Variants in RBFOX1 observed in about 807,000 individuals in gnomAD.
RBFOX1 encodes the protein RNA binding protein fox-1 homolog 1.
A neutral mutation model predicts 57.7 loss-of-function variants in RBFOX1; 8 were observed. The ratio of observed to expected loss-of-function variants is 0.14; its 90% CI spans 0.08 to 0.25. The LOEUF (loss-of-function observed/expected upper bound fraction) is 0.25, where lower values mean the gene tolerates loss of function less well. Among genes scored for constraint, RBFOX1 ranks in the 10% least tolerant of loss-of-function variants. The probability of loss-of-function intolerance (pLI) is 1.00; values close to 1 mark genes in which losing one functional copy is unlikely to be tolerated. For missense variants in RBFOX1, 611 were observed against 548.5 expected (o/e 1.11, Z -1.14); for synonymous variants, 326 against 222.4 (o/e 1.47, Z -4.15).
At chr16:5,914,579 T>TGA (rs369377570) in intron 4 of RBFOX1, among the ~76,000 whole-genome samples, 19 of 151,138 alleles carry the variant, frequency 1.3e-4, no homozygotes, top group Admixed American at 4.0e-4. Flanking sequence ...CAGCTGGTGA[T>TGA]GAGAGAGAGA....
In RBFOX1 at chr16:5,742,380, T is replaced by A. The variant is rs150369176; in HGVS notation, c.319-124923T>A. ...TTCCTTCCTCTCCTTCCTCTCCTTC[T>A]CCAAACCATCAGAAGGTGTTAGAAC... On this transcript the variant is annotated intron_variant, in intron 3 of 19. Transcript: ENST00000641259. 4.8e-4 allele frequency among the ~76,000 whole-genome samples: 71 copies of A among 148,104 alleles called. No homozygotes were observed. In the East Asian group the frequency reaches 0.011, roughly 22 times the overall value.
intron 3 of RBFOX1, among the ~76,000 whole-genome samples, chr16:5,628,269 A>G (rs542467643): frequency 2.0e-5 from 3 of 152,214 alleles, no homozygotes; most frequent in Non-Finnish European, 4.4e-5. Flanking sequence ...AGTCTCTTCT[A>G]CCATGCAAAT....
chr16:6,646,951 A>G (rs956031308), intron 2 of RBFOX1, among the ~76,000 whole-genome samples: 7 of 152,160 alleles, frequency 4.6e-5, no homozygotes, highest in African/African-American at 1.7e-4. Flanking sequence ...TGGGCCTTAC[A>G]GGTCGTCTGG....
intron 4 of RBFOX1, among the ~76,000 whole-genome samples, chr16:5,888,954 C>G (rs1265291912): frequency 1.3e-5 from 2 of 152,174 alleles, no homozygotes; most frequent in Non-Finnish European, 2.9e-5. Flanking sequence ...TCTTCATCCT[C>G]TGCTGTGGGC....
chr16:7,609,057 G>C (rs1568072675), intron 10 of RBFOX1, among the ~76,000 whole-genome samples: 1 of 152,204 alleles, frequency 6.6e-6, no homozygotes, highest in Admixed American at 6.5e-5. Flanking sequence ...AAAGCTGCAA[G>C]GAAATCAAAT....
At chr16:7,490,522 T>C (rs1325894072) in intron 4 of RBFOX1, among the ~76,000 whole-genome samples, 2 of 152,234 alleles carry the variant, frequency 1.3e-5, no homozygotes, top group Non-Finnish European at 1.5e-5. Flanking sequence ...GTGGATAATG[T>C]ACCTTTACTC....
At chr16:6,696,904 C>G (rs2061136003) in intron 3 of RBFOX1, among the ~76,000 whole-genome samples, 1 of 152,178 alleles carries the variant, frequency 6.6e-6, no homozygotes, top group Non-Finnish European at 1.5e-5. Context: ...ATGGAGATTG[C>G]TGTCTTGCAA....
At chr16:7,093,855 A>G (rs139303072) in intron 4 of RBFOX1, among the ~76,000 whole-genome samples, 7 of 151,906 alleles carry the variant, frequency 4.6e-5, no homozygotes, top group Non-Finnish European at 7.4e-5. Context: ...AGCCACATCC[A>G]TTTTTTCCCA....
intron 3 of RBFOX1, among the ~76,000 whole-genome samples, chr16:6,754,874 TC>T (rs2075540315): frequency 6.6e-6 from 1 of 151,504 alleles, no homozygotes; most frequent in South Asian, 2.1e-4. Context: ...CCCACAACAG[TC>T]CCCAGAGTGT....
intron 3 of RBFOX1, among the ~76,000 whole-genome samples, chr16:5,807,554 T>C (rs2055271787): frequency 6.6e-6 from 1 of 152,152 alleles, no homozygotes; most frequent in African/African-American, 2.4e-5. Flanking sequence ...TAGGGCTCAT[T>C]ATAGCCTCGT....
chr16:6,193,689 AT>A (rs1413032557), intron 1 of RBFOX1, among the ~76,000 whole-genome samples: 5 of 151,700 alleles, frequency 3.3e-5, no homozygotes, highest in Non-Finnish European at 7.4e-5. Context: ...TTCAGCCTTC[AT>A]TTTTCAGCCT....
chr16:7,075,714 G>A (rs1444498263), intron 4 of RBFOX1, among the ~76,000 whole-genome samples: 1 of 151,932 alleles, frequency 6.6e-6, no homozygotes, highest in Admixed American at 6.6e-5. Flanking sequence ...CCGAGTAGCT[G>A]GGACTACAGG....
intron 4 of RBFOX1, among the ~76,000 whole-genome samples, chr16:7,285,120 A>T (rs78119341): frequency 0.087 from 3,507 of 40,314 alleles, 121 homozygotes; most frequent in East Asian, 0.23. Flanking sequence ...ACCTGTTCTT[A>T]TCCTTTATAG....
intron 4 of RBFOX1, among the ~76,000 whole-genome samples, chr16:5,980,320 G>A (rs1337807635): frequency 1.3e-5 from 2 of 152,170 alleles, no homozygotes. Context: ...AGCAGGGGGC[G>A]GCAGAACGGT....
intron 2 of RBFOX1, among the ~76,000 whole-genome samples, chr16:6,507,662 A>G (rs1264802393): frequency 6.6e-6 from 1 of 152,138 alleles, no homozygotes; most frequent in East Asian, 1.9e-4. Flanking sequence ...AAATCCTGTT[A>G]TATGTCCAAC....
At chr16:6,004,316 C>T (rs974640542) in intron 4 of RBFOX1, among the ~76,000 whole-genome samples, 3 of 152,314 alleles carry the variant, frequency 2.0e-5, no homozygotes, top group Admixed American at 6.5e-5. Flanking sequence ...CTTAGCTTCT[C>T]TAAGCCTCAG....
intron 1 of RBFOX1, among the ~76,000 whole-genome samples, chr16:5,412,824 G>C (rs1026267257): frequency 2.0e-5 from 3 of 152,178 alleles, no homozygotes; most frequent in Non-Finnish European, 4.4e-5. Flanking sequence ...GTCACAGCTA[G>C]GGCTTCACAT....
chr16:6,936,919 A>G (rs962074038), intron 3 of RBFOX1, among the ~76,000 whole-genome samples: 1 of 118,798 alleles, frequency 8.4e-6, no homozygotes, highest in Non-Finnish European at 1.6e-5. Context: ...TCCTGTGTCC[A>G]TGTGATCTCA....
chr16:6,110,110 A>C (rs1009271240), intron 1 of RBFOX1, among the ~76,000 whole-genome samples: 2 of 151,912 alleles, frequency 1.3e-5, no homozygotes, highest in Non-Finnish European at 2.9e-5. Flanking sequence ...CAGCACATCT[A>C]CTGTCTATGG....
Sources: allele counts gnomAD v4.1 joint callset (sites outside exome capture counted in the v4.1 genomes callset), GRCh38; gene constraint gnomAD v4.1.1; transcripts MANE v1.5; gene names NCBI Gene and HGNC (gene_info 2026-07-23, HGNC 2026-07-21).